RANBP2: variants seen among roughly 807,000 people sequenced by gnomAD.
The protein encoded by RANBP2 is RAN binding protein 2, also known as E3 SUMO-protein ligase RanBP2.
Under a neutral mutation model 303.6 loss-of-function variants are expected in RANBP2, and 57 were observed. The observed-to-expected ratio is 0.19, with a 90% CI of 0.15 to 0.23. The LOEUF (loss-of-function observed/expected upper bound fraction) is 0.23. Ranked by LOEUF, RANBP2 falls within the 10% of genes least tolerant of loss-of-function variation. The probability of loss-of-function intolerance (pLI) is 1.00; values close to 1 mark genes in which losing one functional copy is unlikely to be tolerated. For missense variants in RANBP2, 3,138 were observed against 3,780.8 expected (o/e 0.83, Z 4.46); for synonymous variants, 1,167 against 1,301.5 (o/e 0.90, Z 2.23).
chr2:109,334,309 G>A, the RANBP2 span, among the ~76,000 whole-genome samples: 2 of 142,310 alleles, frequency 1.4e-5, no homozygotes, highest in South Asian at 2.2e-4. Flanking sequence ...AGTGAGCCAT[G>A]ATCACACCAC....
At chr2:109,700,176 C>T in the RANBP2 span, among the ~76,000 whole-genome samples, 30 of 152,188 alleles carry the variant, frequency 2.0e-4, no homozygotes, top group East Asian at 3.9e-4. Context: ...GTGTAGTGTC[C>T]GGAATGTTTT....
chr2:109,376,771 C>A, the RANBP2 span, among the ~76,000 whole-genome samples: 2 of 152,220 alleles, frequency 1.3e-5, no homozygotes, highest in Non-Finnish European at 2.9e-5. Flanking sequence ...CATGCCCTCA[C>A]CCCACACGTG....
chr2:108,943,095 C>G, the RANBP2 span, among the ~76,000 whole-genome samples: 2 of 152,150 alleles, frequency 1.3e-5, no homozygotes, highest in Non-Finnish European at 2.9e-5. Flanking sequence ...CATTCGAGTC[C>G]CAGCATGAAG....
the RANBP2 span, among the ~76,000 whole-genome samples, chr2:109,178,724 C>T: frequency 1.3e-5 from 2 of 152,298 alleles, no homozygotes; most frequent in East Asian, 1.9e-4. Context: ...ATCTAATTAA[C>T]ATTTTTAATT....
At chr2:109,659,235 G>A in the RANBP2 span, among the ~76,000 whole-genome samples, 1 of 151,846 alleles carries the variant, frequency 6.6e-6, no homozygotes, top group Non-Finnish European at 1.5e-5. Flanking sequence ...AAACTAGCTG[G>A]GCGTGGTGGT....
the RANBP2 span, among the ~76,000 whole-genome samples, chr2:109,326,778 C>T: frequency 6.6e-6 from 1 of 152,244 alleles, no homozygotes; most frequent in Non-Finnish European, 1.5e-5. Context: ...GTAACTGTTT[C>T]AGTCCTTCCC....
chr2:109,457,248 C>T, the RANBP2 span, among the ~76,000 whole-genome samples: 1 of 152,072 alleles, frequency 6.6e-6, no homozygotes, highest in Non-Finnish European at 1.5e-5. Context: ...AGTCTGGATC[C>T]TAGAATTAAA....
chr2:109,614,297 CGGGGGTGCGGGGG>C, the RANBP2 span: 5 of 484,788 alleles, frequency 1.0e-5, no homozygotes, highest in Non-Finnish European at 1.2e-5. Context: ...GGGCGCGGGG[CGGGGGTGCGGGGG>C]GCGTGTCCGC....
chr2:108,786,232 A>G (rs559072309), downstream of RANBP2, among the ~76,000 whole-genome samples: 15 of 150,166 alleles, frequency 1.0e-4, no homozygotes, highest in South Asian at 6.3e-4. Flanking sequence ...GTAATCTGCA[A>G]TGTCTATGCT....
At chr2:109,052,969 G>T in the RANBP2 span, among the ~76,000 whole-genome samples, 1 of 152,148 alleles carries the variant, frequency 6.6e-6, no homozygotes, top group Non-Finnish European at 1.5e-5. Context: ...GTCAGAGCTC[G>T]CCTCAGATGG....
chr2:109,186,046 G>T, the RANBP2 span, among the ~76,000 whole-genome samples: 1 of 152,124 alleles, frequency 6.6e-6, no homozygotes, highest in Non-Finnish European at 1.5e-5. Context: ...ATCCTGTTTT[G>T]TATTTAACCC....
At chr2:109,688,466 C>T in the RANBP2 span, among the ~76,000 whole-genome samples, 2 of 152,112 alleles carry the variant, frequency 1.3e-5, no homozygotes, top group East Asian at 3.9e-4. Flanking sequence ...GTTGGAGCCC[C>T]TACTTTTCCT....
At chr2:109,005,572 A>G in the RANBP2 span, among the ~76,000 whole-genome samples, 1 of 151,692 alleles carries the variant, frequency 6.6e-6, no homozygotes, top group African/African-American at 2.4e-5. Flanking sequence ...AGTGTGCAAC[A>G]CTCTCTTCCC....
At chr2:108,891,345 A>G in the RANBP2 span, among the ~76,000 whole-genome samples, 4 of 152,160 alleles carry the variant, frequency 2.6e-5, no homozygotes, top group Admixed American at 6.5e-5. Context: ...TCCTAAAGAT[A>G]TATCTATGGT....
At chr2:109,013,581 A>C in the RANBP2 span, among the ~76,000 whole-genome samples, 1 of 151,942 alleles carries the variant, frequency 6.6e-6, no homozygotes, top group Non-Finnish European at 1.5e-5. Flanking sequence ...AGTGCAAGGC[A>C]ATCTCTTTCC....
chr2:109,485,876 C>T, the RANBP2 span, among the ~76,000 whole-genome samples: 1 of 152,264 alleles, frequency 6.6e-6, no homozygotes, highest in African/African-American at 2.4e-5. Flanking sequence ...CATCGCAAGC[C>T]TCCAGTCCCT....
chr2:109,054,135 C>T, the RANBP2 span, among the ~76,000 whole-genome samples: 1 of 152,146 alleles, frequency 6.6e-6, no homozygotes, highest in African/African-American at 2.4e-5. Context: ...CCAAGTCAGT[C>T]CCTGCTCCCA....
At chr2:108,991,628 C>T in the RANBP2 span, among the ~76,000 whole-genome samples, 2 of 152,224 alleles carry the variant, frequency 1.3e-5, no homozygotes, top group Non-Finnish European at 2.9e-5. Context: ...GCACAACAGG[C>T]AGGCTGGCCC....
chr2:109,562,232 A>ATAAAATTAAATTTAAAAAAT, the RANBP2 span, among the ~76,000 whole-genome samples: 1 of 147,970 alleles, frequency 6.8e-6, no homozygotes, highest in Non-Finnish European at 1.5e-5. Flanking sequence ...AATAATAATA[A>ATAAAATTAAATTTAAAAAAT]TAAAATTAAA....
Sources: gnomAD v4.1 joint callset for allele counts (sites outside exome capture counted in the v4.1 genomes callset) on GRCh38, gnomAD v4.1.1 for gene constraint, MANE v1.5 for transcripts, NCBI Gene and HGNC (gene_info 2026-07-23, HGNC 2026-07-21) for gene names.